The following GFY variants were observed in gnomAD, a reference collection of about 807,000 sequenced individuals.
The protein encoded by GFY is Golgi-associated olfactory signaling regulator.
In GFY, 28 loss-of-function variants were observed where a neutral mutation model predicts 29.1. That is an observed-to-expected ratio of 0.96 (90% CI 0.71 to 1.32). GFY has a LOEUF of 1.32. Among genes scored for constraint, GFY ranks in the 40% most tolerant of loss-of-function variants. The pLI is 0.00. For synonymous variants in GFY, 277 were observed against 274.5 expected, an observed-to-expected ratio of 1.01 and a Z score of -0.09; for missense variants, 656 against 661.9, an observed-to-expected ratio of 0.99 and a Z score of 0.10.
intron 1 of GFY, 70 bp from the exon 2 acceptor site, chr19:49,426,340 G>T: frequency 6.9e-7 from 1 of 1,442,838 alleles, no homozygotes. Context: ...AGTGGGCGTG[G>T]CCTCCGGGAG....
In GFY at chr19:49,428,058, CCGGGCAG is replaced by C; in HGVS notation, c.1298_1304del (p.Arg433LeufsTer?). On this transcript the variant is annotated frameshift_variant, in exon 3 of 4. Transcript: ENST00000610896. LOFTEE classifies it high-confidence loss of function. ...TTGTGCTGCTGTGGTGTCTTTACCGCCGGGCAGCTAGACAGCGGCCCTTCGCACATCA... is the reference window on the plus strand; with the variant it reads ...TTGTGCTGCTGTGGTGTCTTTACCGCCTAGACAGCGGCCCTTCGCACATCA... 6.5e-7 allele frequency: 1 copy of C among 1,535,690 alleles called. No individual in the cohort carries two copies. Among genetic ancestry groups the C allele is most frequent in the South Asian group, 1.2e-5 (1 of 84,056 alleles).
chr19:49,428,247 C>A, intron 3 of GFY, 128 bp downstream of exon 3: 1 of 1,167,546 alleles, frequency 8.6e-7, no homozygotes, highest in Non-Finnish European at 1.2e-6. Flanking sequence ...TCTTCCATGG[C>A]AACGTCCAGC....
chr19:49,426,341 C>T, intron 1 of GFY, 69 bp from the exon 2 acceptor site: 7 of 1,443,604 alleles, frequency 4.8e-6, no homozygotes, highest in Non-Finnish European at 6.3e-6. Context: ...GTGGGCGTGG[C>T]CTCCGGGAGT....
Position 49,427,170 on chromosome 19 carries a change from T to A in GFY, c.740T>A (p.Val247Glu). The A allele has an allele frequency of 2.0e-6, 3 of 1,535,614 alleles. No homozygotes were observed. Among genetic ancestry groups the A allele is most frequent in the Non-Finnish European group, 2.6e-6 (3 of 1,146,780 alleles). The change falls in exon 2 of 4, where the codon GTG becomes GAG. Residue 247 changes from valine to glutamate, a missense_variant. By Grantham distance (121) the Val-to-Glu change is moderately radical (BLOSUM62 -2). Transcript: ENST00000610896. The part of the protein sequence containing the change: ...PSKTPHPESH[V>E]THNPSPTEIS... ...AAAACCCCCCACCCAGAATCCCATGTGACCCACAATCCCAGCCCCACCGAA... is the reference window on the plus strand; with the variant it reads ...AAAACCCCCCACCCAGAATCCCATGAGACCCACAATCCCAGCCCCACCGAA...
In GFY at chr19:49,427,482, G is replaced by C. The variant is rs758602806; in HGVS notation, c.1052G>C (p.Arg351Pro). Reference protein sequence around the residue: ...KESNVPPPSARIAGPPALPGR... With the variant: ...KESNVPPPSAPIAGPPALPGR... ...TCCAACGTCCCTCCTCCCTCAGCCC[G>C]GATTGCAGGTCCCCCTGCTCTTCCA... Residue 351 changes from arginine to proline, a missense_variant, in exon 2 of 4, where the codon CGG becomes CCG. Physicochemically the swap from Arg to Pro is moderately radical, Grantham distance 103. Coordinates refer to ENST00000610896, the MANE Select transcript of GFY (RefSeq NM_001195256.2). 5.6e-5 allele frequency: 86 copies of C among 1,534,774 alleles called. No homozygotes were observed. The highest frequency in any genetic ancestry group is 7.2e-5 in the Non-Finnish European group (82 of 1,146,142).
chr19:49,426,528 T>G lies in GFY; in HGVS notation c.98T>G (p.Phe33Cys). 1 of 1,536,116 alleles carries G rather than the reference T, an allele frequency of 6.5e-7. No homozygotes were observed. Among genetic ancestry groups the G allele is most frequent in the Non-Finnish European group, 8.7e-7 (1 of 1,146,904 alleles). ...PSAPLPLGCG[F>C]PDMAHPSETS... ...GCCCCTCTGCCTTTGGGCTGTGGCT[T>G]TCCGGACATGGCCCACCCCTCTGAG... The change falls in exon 2 of 4, where the codon TTT (phenylalanine) becomes TGT (cysteine). Residue 33 changes from phenylalanine to cysteine, a missense_variant. Coordinates refer to ENST00000610896, the MANE Select transcript of GFY (RefSeq NM_001195256.2).
At chr19:49,428,340 G>A (rs963058138) in intron 3 of GFY, among the ~76,000 whole-genome samples, 1 of 152,104 alleles carries the variant, frequency 6.6e-6, no homozygotes, top group African/African-American at 2.4e-5. Context: ...AGAGCCGGCC[G>A]TCCCCGCCAG....
In GFY at chr19:49,427,951, AC is replaced by A. The variant is rs1397547033; in HGVS notation, c.1190del (p.Thr397IlefsTer24). The A allele has an allele frequency of 2.0e-6, 3 of 1,532,936 alleles. No individual in the cohort carries two copies. In the East Asian group the frequency reaches 7.3e-5, roughly 38 times the overall value. The allele number at this position is 1,532,936 out of a possible 1,614,324, so 95.0% of individuals were successfully genotyped here. ...TTGCTGGTATCCCCCTTCAGGCGTG[AC>A]TCTGGTGGGGCGACCACGTGGCGCA... ...VVERVKETGVTLVGRPRGAAG... is the reference protein window; with the variant it reads ...VVERVKETGVXLVGRPRGAAG... On this transcript the variant is annotated frameshift_variant, in exon 3 of 4. Coordinates refer to ENST00000610896, the MANE Select transcript of GFY (RefSeq NM_001195256.2). LOFTEE classifies it high-confidence loss of function.
Position 49,427,430 on chromosome 19 carries a change from G to T in GFY, c.1000G>T (p.Ala334Ser), listed in dbSNP as rs1490524402. The T allele has an allele frequency of 2.0e-6, 3 of 1,535,358 alleles. No individual in the cohort carries two copies. Among genetic ancestry groups the T allele is most frequent in the African/African-American group, 1.4e-5 (1 of 73,024 alleles). ...SDSPGMVELKAPQNSGPKESN... is the reference protein window; with the variant it reads ...SDSPGMVELKSPQNSGPKESN... ...TTCTCCAGGAATGGTTGAGCTGAAG[G>T]CCCCCCAGAACTCTGGCCCTAAGGA... The change falls in exon 2 of 4, where the codon GCC becomes TCC. Residue 334 changes from alanine to serine, a missense_variant. Coordinates refer to ENST00000610896, the MANE Select transcript of GFY (RefSeq NM_001195256.2).
At chr19:49,425,193 G>T (rs1332640485), upstream of GFY, among the ~76,000 whole-genome samples, 2 of 152,058 alleles carry the variant, frequency 1.3e-5, no homozygotes, top group African/African-American at 4.8e-5. Context: ...TCAGGTAGGA[G>T]AGGGTAGAGG....
chr19:49,428,005 G>C lies in GFY; in HGVS notation c.1243G>C (p.Ala415Pro), dbSNP rs983044457. The part of the protein sequence containing the change: ...AAGGALCLFF[A>P]GTALLIGIFV... ...AGGCGGGGCCCTCTGCCTGTTCTTC[G>C]CGGGGACCGCGCTGCTGATCGGCAT... Residue 415 changes from alanine to proline, a missense_variant, in exon 3 of 4, where the codon GCG becomes CCG. Ala to Pro is a conservative substitution (Grantham distance 27). Coordinates refer to ENST00000610896, the MANE Select transcript of GFY (RefSeq NM_001195256.2). 99 of 1,535,806 alleles carry C rather than the reference G, an allele frequency of 6.4e-5. No individual in the cohort carries two copies. Among genetic ancestry groups the C allele is most frequent in the Non-Finnish European group, 8.3e-5 (95 of 1,146,726 alleles).
chr19:49,423,766 GAGA>G (rs1975045511), upstream of GFY: 1 of 184,464 alleles, frequency 5.4e-6, no homozygotes, highest in Non-Finnish European at 1.1e-5. Flanking sequence ...GAGACACAAA[GAGA>G]AGGACAAAGA....
Position 49,426,651 on chromosome 19 carries a change from A to G in GFY, c.221A>G (p.His74Arg). 1 of 1,535,992 alleles carries G rather than the reference A, an allele frequency of 6.5e-7. No individual in the cohort carries two copies. Among genetic ancestry groups the G allele is most frequent in the Non-Finnish European group, 8.7e-7 (1 of 1,146,862 alleles). The part of the protein sequence containing the change: ...TPYPEPSKLP[H>R]TVSLETFPLD... ...TACCCTGAGCCTTCCAAGCTACCTC[A>G]TACGGTTTCCCTGGAAACCTTCCCA... The change falls in exon 2 of 4, where the codon CAT becomes CGT. Residue 74 changes from histidine to arginine, a missense_variant. Physicochemically the swap from His to Arg is conservative, Grantham distance 29. Transcript: ENST00000610896.
rs1009595521 is a variant in GFY at position 49,427,957 on chromosome 19, G to C, written c.1195G>C (p.Val399Leu). The C allele has an allele frequency of 6.5e-7, 1 of 1,534,378 alleles. No homozygotes were observed. The highest frequency in any genetic ancestry group is 2.4e-5 in the East Asian group (1 of 40,890). The change falls in exon 3 of 4, where the codon GTG (valine) becomes CTG (leucine). Residue 399 changes from valine to leucine, a missense_variant. By Grantham distance (32) the Val-to-Leu change is conservative (BLOSUM62 1). Coordinates refer to ENST00000610896, the MANE Select transcript of GFY (RefSeq NM_001195256.2). The part of the protein sequence containing the change: ...ERVKETGVTL[V>L]GRPRGAAGGA... ...GTATCCCCCTTCAGGCGTGACTCTG[G>C]TGGGGCGACCACGTGGCGCAGCAGG...
At position 49,426,402 on chromosome 19, in the gene GFY, C is replaced by T. The variant is rs1200986621; in HGVS notation, c.-21-8C>T. ...CCTTAACCCCTTCCTTCCCGCTCTC[C>T]CCCGCAGCTATAGGTATCTGCCAGA... On this transcript the variant is annotated splice_polypyrimidine_tract_variant and splice_region_variant and intron_variant, in intron 1 of 3. Coordinates refer to ENST00000610896, the MANE Select transcript of GFY (RefSeq NM_001195256.2). 3.3e-6 allele frequency: 5 copies of T among 1,497,624 alleles called. No individual in the cohort carries two copies. The South Asian group carries it at 5.2e-5, about 15-fold the overall frequency. 92.8% of individuals were successfully genotyped at this position (1,497,624 alleles called of 1,614,324 possible). A position where few individuals can be genotyped will look rare whatever the true frequency, so the allele number is the denominator to read the frequency against.
Position 49,428,662 on chromosome 19 carries a change from T to C in GFY, c.1401T>C (p.Phe467=). 6.5e-7 allele frequency: 1 copy of C among 1,527,378 alleles called. No individual in the cohort carries two copies. Among genetic ancestry groups the C allele is most frequent in the South Asian group, 1.2e-5 (1 of 83,146 alleles). 94.6% of individuals were successfully genotyped at this position (1,527,378 alleles called of 1,614,324 possible). ...DAPKDPYDLY[F]YAPDTWVPSH... The stretch of plus-strand genomic sequence containing the variant: ...CGAAAGACCCCTACGACCTCTACTT[T>C]TATGCTCCGGATACCTGGGTCCCTT... Residue 467 remains phenylalanine (F), a synonymous_variant, in exon 4 of 4, where the codon TTT becomes TTC. Coordinates refer to ENST00000610896, the MANE Select transcript of GFY (RefSeq NM_001195256.2).
chr19:49,426,512 C>A lies in GFY; in HGVS notation c.82C>A (p.Pro28Thr), dbSNP rs906704970. Residue 28 changes from proline (P) to threonine (T), a missense_variant, in exon 2 of 4, where the codon CCT (proline) becomes ACT (threonine). Coordinates refer to ENST00000610896, the MANE Select transcript of GFY (RefSeq NM_001195256.2). ...RSKAAPSAPL[P>T]LGCGFPDMAH... ...CAAGGCCGCTCCCTCAGCCCCTCTGCCTTTGGGCTGTGGCTTTCCGGACAT... is the reference window on the plus strand; with the variant it reads ...CAAGGCCGCTCCCTCAGCCCCTCTGACTTTGGGCTGTGGCTTTCCGGACAT... The A allele has an allele frequency of 2.0e-6, 3 of 1,536,096 alleles. No homozygotes were observed. Among genetic ancestry groups the A allele is most frequent in the Middle Eastern group, 3.3e-4 (2 of 6,012 alleles).
chr19:49,424,068 G>A (rs1020449073), upstream of GFY: 2 of 152,406 alleles, frequency 1.3e-5, no homozygotes, highest in African/African-American at 2.4e-5. Flanking sequence ...GCAGGGGTGT[G>A]AGGACAGGAA....
chr19:49,426,338 T>G, intron 1 of GFY, 72 bp from the exon 2 acceptor site: 3 of 1,443,310 alleles, frequency 2.1e-6, no homozygotes, highest in Non-Finnish European at 2.7e-6. Flanking sequence ...CCAGTGGGCG[T>G]GGCCTCCGGG....
Sources: gnomAD v4.1 joint callset for allele counts (sites outside exome capture counted in the v4.1 genomes callset) on GRCh38, gnomAD v4.1.1 for gene constraint, MANE v1.5 for transcripts, NCBI Gene and HGNC (gene_info 2026-07-23, HGNC 2026-07-21) for gene names.